Variants in BMP5 observed in about 807,000 individuals in gnomAD.
BMP5 encodes the protein bone morphogenetic protein 5.
In BMP5, 23 loss-of-function variants were observed where a neutral mutation model predicts 46.6. That is an observed-to-expected ratio of 0.49 (90% CI 0.35 to 0.70). BMP5 has a LOEUF of 0.70. BMP5 is among the 30% of genes least tolerant of loss of function. BMP5 has a pLI of 0.00. For synonymous variants in BMP5, 204 were observed against 191.9 expected, an observed-to-expected ratio of 1.06 and a Z score of -0.52; for missense variants, 545 against 565.6, an observed-to-expected ratio of 0.96 and a Z score of 0.37.
chr6:55,816,951 C>A (rs1009799175), intron 2 of BMP5, among the ~76,000 whole-genome samples: 1 of 152,096 alleles, frequency 6.6e-6, no homozygotes, highest in Non-Finnish European at 1.5e-5. Context: ...CATGAACAGA[C>A]ACTTCTCAAA....
intron 4 of BMP5, among the ~76,000 whole-genome samples, chr6:55,773,506 T>C (rs1775095651): frequency 8.5e-6 from 1 of 117,704 alleles, no homozygotes; most frequent in African/African-American, 3.7e-5. Flanking sequence ...TGTGTGTGTG[T>C]GTGTGTGTGT....
chr6:55,816,600 G>A (rs1392243759), intron 2 of BMP5, among the ~76,000 whole-genome samples: 1 of 152,108 alleles, frequency 6.6e-6, no homozygotes, highest in African/African-American at 2.4e-5. Context: ...TAGGTAGTCA[G>A]TGTTAAAGTT....
chr6:55,763,277 A>G lies in BMP5; in HGVS notation c.1028-2744T>C, dbSNP rs527363808. Among the ~76,000 whole-genome samples the G allele has an allele frequency of 2.6e-5, 4 of 152,280 alleles. No homozygotes were observed. The South Asian group carries it at 8.3e-4, about 32-fold the overall frequency. On this transcript the variant is annotated intron_variant, in intron 4 of 6. Transcript: ENST00000370830. ...TCTATGTATATAAAAAATAAAGAAA[A>G]TAAAACTTTAAAGTCAAAATATATC...
chr6:55,756,925 C>T (rs997066660), intron 6 of BMP5, among the ~76,000 whole-genome samples: 3 of 151,980 alleles, frequency 2.0e-5, no homozygotes, highest in Middle Eastern at 3.4e-3. Flanking sequence ...CACAAACATG[C>T]TTTCCTCCGT....
At chr6:55,755,736 G>A (rs900173817) in intron 6 of BMP5, 54 bp from the exon 7 acceptor site, 5 of 1,528,324 alleles carry the variant, frequency 3.3e-6, no homozygotes, top group Non-Finnish European at 4.5e-6. Flanking sequence ...ACATTCTTTT[G>A]CAGTTTTAAA....
chr6:55,797,806 C>T (rs928005325), intron 2 of BMP5, among the ~76,000 whole-genome samples: 1 of 151,702 alleles, frequency 6.6e-6, no homozygotes, highest in Non-Finnish European at 1.5e-5. Flanking sequence ...TTAGTAGAGA[C>T]GGGGTTTCAT....
chr6:55,865,672 G>T (rs1382772392), intron 1 of BMP5, among the ~76,000 whole-genome samples: 1 of 152,210 alleles, frequency 6.6e-6, no homozygotes, highest in Non-Finnish European at 1.5e-5. Flanking sequence ...ACAAAGTCTT[G>T]TAGGCTGAAT....
At chr6:55,769,364 G>A (rs1774993187) in intron 4 of BMP5, among the ~76,000 whole-genome samples, 1 of 151,874 alleles carries the variant, frequency 6.6e-6, no homozygotes. Flanking sequence ...TCACCAGGAA[G>A]ATTTTATATC....
In BMP5 at chr6:55,874,539, G is replaced by T. The variant is rs544980465; in HGVS notation, c.327C>A (p.Thr109=). The change falls in exon 1 of 7, where the codon ACC becomes ACA. Residue 109 remains threonine, a synonymous_variant. Transcript: ENST00000370830. ...YSVRASLAEE[T]RGARKGYPAS... is the part of the protein sequence containing the mutation. ...CTGGGTATCCCTTTCTTGCCCCTCT[G>T]GTCTCTTCTGCCAAGGATGCCCTTA... 1 of 1,613,254 alleles carries T rather than the reference G, an allele frequency of 6.2e-7. No homozygotes were observed. The highest frequency in any genetic ancestry group is 1.7e-5 in the Admixed American group (1 of 59,892).
At chr6:55,821,191 TG>T in intron 1 of BMP5, among the ~76,000 whole-genome samples, 1 of 152,238 alleles carries the variant, frequency 6.6e-6, no homozygotes. Context: ...TAAGGCCAGA[TG>T]GGTGGCCACA....
At chr6:55,784,429 A>G (rs1775398702) in intron 3 of BMP5, among the ~76,000 whole-genome samples, 1 of 151,846 alleles carries the variant, frequency 6.6e-6, no homozygotes, top group Non-Finnish European at 1.5e-5. Context: ...TATATTCTAT[A>G]ATCAATAACT....
Position 55,836,246 on chromosome 6 carries a change from T to A in BMP5, c.491-16399A>T, listed in dbSNP as rs189519157. On this transcript the variant is annotated intron_variant, in intron 1 of 6. Transcript: ENST00000370830. ...TGTTTTATTAAGTACTATATAAAAA[T>A]CAATAACTACTGTTCAGACTAAGCT... Among the ~76,000 whole-genome samples the A allele has an allele frequency of 4.0e-3, 608 of 152,280 alleles. 2 individuals are homozygous for A. The highest frequency in any genetic ancestry group is 0.01 in the Middle Eastern group (3 of 288).
Position 55,788,819 on chromosome 6 carries a change from A to C in BMP5, c.832+5460T>G, listed in dbSNP as rs9382558. 5.3e-5 allele frequency among the ~76,000 whole-genome samples: 8 copies of C among 152,006 alleles called. No individual in the cohort carries two copies. The East Asian group carries it at 1.4e-3, about 26-fold the overall frequency. Reference sequence around the variant, plus strand: ...AAATGTTTATTTCCAGAATGTAGCTATCTGTTCATTTATCCTCCTCATTTA... The same window carrying C: ...AAATGTTTATTTCCAGAATGTAGCTCTCTGTTCATTTATCCTCCTCATTTA... On this transcript the variant is annotated intron_variant, in intron 3 of 6. Coordinates refer to ENST00000370830, the MANE Select transcript of BMP5 (RefSeq NM_021073.4).
At chr6:55,786,438 C>T (rs989870798) in intron 3 of BMP5, among the ~76,000 whole-genome samples, 10 of 151,580 alleles carry the variant, frequency 6.6e-5, no homozygotes, top group African/African-American at 2.4e-4. Context: ...CCTCACAGAA[C>T]AAACAATTCT....
chr6:55,843,467 T>A (rs904191015), intron 1 of BMP5, among the ~76,000 whole-genome samples: 5 of 152,122 alleles, frequency 3.3e-5, no homozygotes, highest in African/African-American at 4.8e-5. Context: ...GTAGTTTTTT[T>A]TCCTCCAATT....
intron 1 of BMP5, among the ~76,000 whole-genome samples, chr6:55,855,556 G>A (rs964591789): frequency 6.6e-6 from 1 of 152,064 alleles, no homozygotes; most frequent in African/African-American, 2.4e-5. Context: ...ACTTGGTCTT[G>A]CAAATTAACA....
chr6:55,794,691 T>C (rs997807197), intron 2 of BMP5, among the ~76,000 whole-genome samples: 2 of 152,160 alleles, frequency 1.3e-5, no homozygotes, highest in African/African-American at 4.8e-5. Flanking sequence ...ATAAACTGAC[T>C]TAGTGCTCTT....
chr6:55,754,917 AC>A lies in BMP5; in HGVS notation c.*615del, dbSNP rs1383524610. 3 of 152,172 alleles carry A rather than the reference AC, an allele frequency of 2.0e-5. No individual in the cohort carries two copies. The highest frequency in any genetic ancestry group is 7.2e-5 in the African/African-American group (3 of 41,444). 9.4% of individuals were successfully genotyped at this position (152,172 alleles called of 1,614,324 possible). ...CAAAAAGGAACATGCTCCTACAGTT[AC>A]ACCACTTCTGTTAAAGCAAACAGTT... On this transcript the variant is annotated 3_prime_UTR_variant, in exon 7 of 7. Coordinates refer to ENST00000370830, the MANE Select transcript of BMP5 (RefSeq NM_021073.4).
chr6:55,863,948 TG>T (rs771063091), intron 1 of BMP5, among the ~76,000 whole-genome samples: 124 of 152,180 alleles, frequency 8.1e-4, no homozygotes, highest in Non-Finnish European at 1.4e-3. Flanking sequence ...TCTATAATAT[TG>T]GTACAGTGAT....
Sources: gnomAD v4.1 joint callset for allele counts (sites outside exome capture counted in the v4.1 genomes callset) on GRCh38, gnomAD v4.1.1 for gene constraint, MANE v1.5 for transcripts, NCBI Gene and HGNC (gene_info 2026-07-23, HGNC 2026-07-21) for gene names.